Variants in MS4A5 observed in about 807,000 individuals in gnomAD.
The protein encoded by MS4A5 is membrane-spanning 4-domains subfamily A member 5.
MS4A5 carries 15 observed loss-of-function variants against 18.2 expected under a neutral mutation model. That is an observed-to-expected ratio of 0.83 (90% CI 0.55 to 1.27). MS4A5 has a LOEUF of 1.27. MS4A5 is among the 50% of genes most tolerant of loss of function. The pLI, the probability that MS4A5 is intolerant of heterozygous loss-of-function variation, is 0.00. For synonymous variants in MS4A5, 89 were observed against 78.7 expected (o/e 1.13, Z -0.69); for missense variants, 232 against 225.7 (o/e 1.03, Z -0.18).
At chr11:60,441,252 G>T (rs2086109890) in intron 4 of MS4A5, among the ~76,000 whole-genome samples, 1 of 133,490 alleles carries the variant, frequency 7.5e-6, no homozygotes, top group Non-Finnish European at 1.6e-5. Context: ...ACAGGAAGGG[G>T]AATATCACAC....
At position 60,434,817 on chromosome 11, in the gene MS4A5, C is replaced by T. The variant is rs185564700; in HGVS notation, c.492+900C>T. 2.0e-5 allele frequency among the ~76,000 whole-genome samples: 3 copies of T among 152,240 alleles called. No homozygotes were observed. The East Asian group carries it at 5.8e-4, about 29-fold the overall frequency. On this transcript the variant is annotated intron_variant, in intron 4 of 4. Coordinates refer to ENST00000300190, the MANE Select transcript of MS4A5 (RefSeq NM_023945.3). ...TTGCCAGTGATGCTTATTTGGAATC[C>T]AATCCCTGGCCCATGTGGACTGAAA...
rs11827754 is a variant in MS4A5 at position 60,442,116 on chromosome 11, C to A, written c.493-5533C>A. On this transcript the variant is annotated intron_variant, in intron 4 of 4. Transcript: ENST00000300190. Reference sequence around the variant, plus strand: ...TTTTGAATACAATTGATAAAATTGACCTAAATGTCATATATAGAATGAACA... The same window carrying A: ...TTTTGAATACAATTGATAAAATTGAACTAAATGTCATATATAGAATGAACA... Among the ~76,000 whole-genome samples the A allele has an allele frequency of 5.5e-3, 844 of 152,170 alleles. 17 individuals carry two copies. Among genetic ancestry groups the A allele is most frequent in the African/African-American group, 0.019 (809 of 41,510 alleles).
At chr11:60,442,356 C>T (rs1327150112) in intron 4 of MS4A5, among the ~76,000 whole-genome samples, 2 of 152,142 alleles carry the variant, frequency 1.3e-5, no homozygotes, top group Non-Finnish European at 2.9e-5. Context: ...TTTAAGAATA[C>T]AATAGCCATC....
chr11:60,440,580 GA>G (rs1019431664), intron 4 of MS4A5, among the ~76,000 whole-genome samples: 3 of 146,658 alleles, frequency 2.0e-5, no homozygotes, highest in Non-Finnish European at 4.5e-5. Flanking sequence ...AAATTTACAA[GA>G]AAAAAACAAA....
chr11:60,429,582 A>T lies in MS4A5; in HGVS notation c.-93A>T. 1 of 1,226,258 alleles carries T rather than the reference A, an allele frequency of 8.2e-7. No individual in the cohort carries two copies. The highest frequency in any genetic ancestry group is 1.1e-6 in the Non-Finnish European group (1 of 882,436). 76.0% of individuals were successfully genotyped at this position (1,226,258 alleles called of 1,614,324 possible). On this transcript the variant is annotated 5_prime_UTR_variant, in exon 1 of 5. Transcript: ENST00000300190. ...ATTCCAAGACAAAGCAAACAATTCC[A>T]GTGCTCCAGGCAGCCTCAGCACAAG...
In MS4A5 at chr11:60,431,069, A is replaced by G. The variant is rs979732507; in HGVS notation, c.282+145A>G. On this transcript the variant is annotated intron_variant, in intron 2 of 4. Transcript: ENST00000300190. The stretch of plus-strand genomic sequence containing the variant: ...ACCTTGTTGAAATTATTTCCCCATT[A>G]GTTCATCACAGTCACTGATATTCCA... The G allele has an allele frequency of 3.8e-6, 3 of 788,766 alleles. No homozygotes were observed. In the African/African-American group the frequency reaches 5.3e-5, roughly 14 times the overall value. 48.9% of individuals were successfully genotyped at this position (788,766 alleles called of 1,614,324 possible). A position where few individuals can be genotyped will look rare whatever the true frequency, so the allele number is the denominator to read the frequency against.
chr11:60,446,616 C>A (rs1038832521), intron 4 of MS4A5, among the ~76,000 whole-genome samples: 3 of 151,948 alleles, frequency 2.0e-5, no homozygotes, highest in Non-Finnish European at 4.4e-5. Context: ...ACCTGTAATC[C>A]CAGCTACTCG....
intron 4 of MS4A5, chr11:60,435,305 C>T: frequency 2.4e-6 from 1 of 414,558 alleles, no homozygotes; most frequent in Non-Finnish European, 4.6e-6. Context: ...CGAATAACAA[C>T]TAATAGAAAC....
intron 4 of MS4A5, among the ~76,000 whole-genome samples, chr11:60,438,757 G>A (rs1215685571): frequency 2.0e-5 from 3 of 149,306 alleles, no homozygotes; most frequent in Admixed American, 6.7e-5. Context: ...ACCAATAACA[G>A]GAGCTGAAAT....
At chr11:60,438,103 C>T (rs1215654854) in intron 4 of MS4A5, among the ~76,000 whole-genome samples, 1 of 151,944 alleles carries the variant, frequency 6.6e-6, no homozygotes, top group Non-Finnish European at 1.5e-5. Context: ...CAAACTAGAA[C>T]TCAGGATTAA....
At chr11:60,446,571 A>C (rs753282038) in intron 4 of MS4A5, among the ~76,000 whole-genome samples, 1 of 152,146 alleles carries the variant, frequency 6.6e-6, no homozygotes, top group Non-Finnish European at 1.5e-5. Flanking sequence ...CGTCTCTACT[A>C]AAAACACAAA....
At chr11:60,433,291 T>C (rs2086061342) in intron 3 of MS4A5, among the ~76,000 whole-genome samples, 1 of 152,242 alleles carries the variant, frequency 6.6e-6, no homozygotes, top group South Asian at 2.1e-4. Flanking sequence ...AGAATATTTT[T>C]ACTTTACTCA....
intron 4 of MS4A5, among the ~76,000 whole-genome samples, chr11:60,445,848 A>C (rs1162088157): frequency 1.3e-5 from 2 of 152,244 alleles, no homozygotes; most frequent in African/African-American, 4.8e-5. Context: ...GGCAAAAATT[A>C]ATGAGTTATA....
At chr11:60,432,301 G>A (rs1422111800) in intron 2 of MS4A5, 110 bp from the exon 3 acceptor site, 5 of 621,088 alleles carry the variant, frequency 8.1e-6, no homozygotes, top group African/African-American at 7.6e-5. Context: ...CCTGAGGAGT[G>A]TGTGAACTTA....
chr11:60,446,989 A>G (rs2086141748), intron 4 of MS4A5, among the ~76,000 whole-genome samples: 1 of 151,198 alleles, frequency 6.6e-6, no homozygotes, highest in Non-Finnish European at 1.5e-5. Flanking sequence ...TAAATCAAAA[A>G]TGTATTTTTA....
At chr11:60,432,528 C>T (rs2086055439) in intron 3 of MS4A5, 61 bp downstream of exon 3, 1 of 1,103,918 alleles carries the variant, frequency 9.1e-7, no homozygotes, top group East Asian at 2.6e-5. Context: ...TGGCTCATAC[C>T]TGTAATCCCA....
At chr11:60,435,386 C>T (rs941334945) in intron 4 of MS4A5, 3 of 445,454 alleles carry the variant, frequency 6.7e-6, no homozygotes, top group Non-Finnish European at 1.3e-5. Context: ...TTTAAAACCA[C>T]AATATTTATC....
At chr11:60,433,985 C>A in intron 4 of MS4A5, 68 bp downstream of exon 4, 2 of 1,318,500 alleles carry the variant, frequency 1.5e-6, no homozygotes, top group Non-Finnish European at 2.1e-6. Context: ...AGCACTCAAT[C>A]AGCACCATTC....
intron 3 of MS4A5, 105 bp from the exon 4 acceptor site, chr11:60,433,660 A>G: frequency 9.0e-7 from 1 of 1,112,484 alleles, no homozygotes; most frequent in Non-Finnish European, 1.3e-6. Context: ...TCGTGGCATT[A>G]AGATGCTGTG....
Sources: gnomAD v4.1 joint callset for allele counts (sites outside exome capture counted in the v4.1 genomes callset) on GRCh38, gnomAD v4.1.1 for gene constraint, MANE v1.5 for transcripts, NCBI Gene and HGNC (gene_info 2026-07-23, HGNC 2026-07-21) for gene names.